CDH4: variants seen among roughly 807,000 people sequenced by gnomAD.
The protein encoded by CDH4 is cadherin-4.
Under a neutral mutation model 86.0 loss-of-function variants are expected in CDH4, and 33 were observed. That is an observed-to-expected ratio of 0.38 (90% confidence interval 0.29 to 0.51). The LOEUF is 0.51. Among genes scored for constraint, CDH4 ranks in the 20% least tolerant of loss-of-function variants. The pLI is 0.86. For synonymous variants in CDH4, 555 were observed against 549.4 expected (o/e 1.01, Z -0.14); for missense variants, 1,114 against 1,307.4 (o/e 0.85, Z 2.28).
At chr20:61,651,571 C>T (rs1052273203) in intron 2 of CDH4, among the ~76,000 whole-genome samples, 1 of 152,172 alleles carries the variant, frequency 6.6e-6, no homozygotes. Context: ...ACACCTGCAC[C>T]GGGACTCTGG....
intron 2 of CDH4, among the ~76,000 whole-genome samples, chr20:61,689,136 CTAAG>C (rs2087623453): frequency 6.6e-6 from 1 of 152,244 alleles, no homozygotes; most frequent in African/African-American, 2.4e-5. Flanking sequence ...GGTGACAAGT[CTAAG>C]TAACGCAGTT....
intron 2 of CDH4, among the ~76,000 whole-genome samples, chr20:61,560,561 A>G: frequency 6.6e-6 from 1 of 152,206 alleles, no homozygotes; most frequent in Non-Finnish European, 1.5e-5. Context: ...AAGGTTCCCT[A>G]GCGGGTTACT....
At chr20:61,855,162 C>A (rs1165407754) in intron 6 of CDH4, among the ~76,000 whole-genome samples, 85 of 119,212 alleles carry the variant, frequency 7.1e-4, no homozygotes, top group African/African-American at 2.7e-3. Context: ...ACCCCCAGGG[C>A]TGCAGTGTGA....
At chr20:61,545,426 G>GT (rs1335862526) in intron 2 of CDH4, among the ~76,000 whole-genome samples, 3 of 152,222 alleles carry the variant, frequency 2.0e-5, no homozygotes, top group African/African-American at 7.2e-5. Context: ...CGATCAGTCT[G>GT]TCACGGGAAG....
At position 61,252,568 on chromosome 20, in the gene CDH4, C is replaced by G; in HGVS notation, c.55C>G (p.Arg19Gly). The G allele has an allele frequency of 1.7e-6, 2 of 1,204,180 alleles. No homozygotes were observed. The highest frequency in any genetic ancestry group is 2.1e-6 in the Non-Finnish European group (2 of 969,972). The allele number at this position is 1,204,180 out of a possible 1,614,324, so 74.6% of individuals were successfully genotyped here. A position where few individuals can be genotyped will look rare whatever the true frequency, so the allele number is the denominator to read the frequency against. Residue 19 changes from arginine (R) to glycine (G), a missense_variant and splice_region_variant, in exon 1 of 16, where the codon CGG (arginine) becomes GGG (glycine). Physicochemically the swap from Arg to Gly is moderately radical, Grantham distance 125. Transcript: ENST00000614565. This position sits in a 1 kb window ranked among gnomAD's most constrained non-coding sequence, Gnocchi z 4.4. ...LLLLSLSGAL[R>G]AHNEDLTTRE... ...GCTGCTCTCGCTCTCCGGCGCGCTC[C>G]GGGTAAGTTGCCGCCTCCCGCCCCC...
chr20:61,417,711 G>A lies in CDH4; in HGVS notation c.169+162774G>A, dbSNP rs183049897. ...TCCTGACTTGTATTACTCATTTTACGGCTGGAGACAGGTGCACATGGCGGG... is the reference window on the plus strand; with the variant it reads ...TCCTGACTTGTATTACTCATTTTACAGCTGGAGACAGGTGCACATGGCGGG... On this transcript the variant is annotated intron_variant, in intron 2 of 15. Coordinates refer to ENST00000614565, the MANE Select transcript of CDH4 (RefSeq NM_001794.5). This position sits in a 1 kb window ranked among gnomAD's most constrained non-coding sequence, Gnocchi z 4.0. 4.5e-4 allele frequency among the ~76,000 whole-genome samples: 69 copies of A among 152,252 alleles called. No homozygotes were observed. Among genetic ancestry groups the A allele is most frequent in the Non-Finnish European group, 7.8e-4 (53 of 68,022 alleles).
chr20:61,607,304 A>T (rs2086653172), intron 2 of CDH4, among the ~76,000 whole-genome samples: 1 of 152,248 alleles, frequency 6.6e-6, no homozygotes, highest in Non-Finnish European at 1.5e-5. Context: ...TCATAAAAGC[A>T]CTAGGTAATA....
At chr20:61,464,850 AC>A (rs1326518623) in intron 2 of CDH4, among the ~76,000 whole-genome samples, 1 of 152,226 alleles carries the variant, frequency 6.6e-6, no homozygotes, top group Non-Finnish European at 1.5e-5. Flanking sequence ...CTGTTACCAA[AC>A]TAATTTTCAC....
chr20:61,367,838 C>T (rs2084819145), intron 2 of CDH4, among the ~76,000 whole-genome samples: 1 of 146,508 alleles, frequency 6.8e-6, no homozygotes, highest in Non-Finnish European at 1.5e-5. Context: ...GTATATTGTA[C>T]ATTGCCTGGA....
intron 2 of CDH4, among the ~76,000 whole-genome samples, chr20:61,534,031 C>T (rs1309301655): frequency 6.6e-6 from 1 of 152,190 alleles, no homozygotes; most frequent in African/African-American, 2.4e-5. Flanking sequence ...AGATTTGTTC[C>T]ATTAACATAT....
chr20:61,619,709 A>G (rs1390626485), intron 2 of CDH4, among the ~76,000 whole-genome samples: 2 of 152,192 alleles, frequency 1.3e-5, no homozygotes, highest in African/African-American at 4.8e-5. Context: ...TGTGATCTGT[A>G]TCCTCACGTG....
intron 2 of CDH4, among the ~76,000 whole-genome samples, chr20:61,583,113 T>G: frequency 1.6e-5 from 2 of 123,722 alleles, no homozygotes; most frequent in Non-Finnish European, 3.4e-5. Context: ...GAGGGTACCG[T>G]GCAACAGAAG....
chr20:61,565,215 C>T (rs115882318), intron 2 of CDH4, among the ~76,000 whole-genome samples: 17,207 of 40,828 alleles, frequency 0.42, 4,628 homozygotes, highest in Middle Eastern at 0.56. Context: ...GCGGTGCTCT[C>T]GGTGGTAGGT....
chr20:61,840,426 G>A (rs1056938054), intron 4 of CDH4, among the ~76,000 whole-genome samples: 3 of 152,194 alleles, frequency 2.0e-5, no homozygotes, highest in Non-Finnish European at 2.9e-5. Context: ...TCCTCCTGGG[G>A]GAGACTCTGC....
intron 2 of CDH4, among the ~76,000 whole-genome samples, chr20:61,692,883 C>T (rs898491786): frequency 2.0e-5 from 3 of 151,748 alleles, no homozygotes; most frequent in East Asian, 1.9e-4. Flanking sequence ...CAGAAATGCC[C>T]GTGTGGATAT....
At chr20:61,764,259 A>G (rs2088672348) in intron 3 of CDH4, among the ~76,000 whole-genome samples, 1 of 152,198 alleles carries the variant, frequency 6.6e-6, no homozygotes, top group South Asian at 2.1e-4. Flanking sequence ...TGGTTTTCTC[A>G]ACATGCACCT....
chr20:61,470,683 G>A (rs1200418135), intron 2 of CDH4, among the ~76,000 whole-genome samples: 1 of 151,942 alleles, frequency 6.6e-6, no homozygotes, highest in Non-Finnish European at 1.5e-5. Context: ...TGTCATATAT[G>A]GCTTTTACTA....
At chr20:61,333,274 C>G (rs1008835268) in intron 2 of CDH4, among the ~76,000 whole-genome samples, 1 of 152,108 alleles carries the variant, frequency 6.6e-6, no homozygotes, top group African/African-American at 2.4e-5. Flanking sequence ...TACACACACA[C>G]ACACACACAC....
intron 2 of CDH4, among the ~76,000 whole-genome samples, chr20:61,335,229 TC>T (rs1305962843): frequency 6.6e-6 from 1 of 152,226 alleles, no homozygotes; most frequent in Non-Finnish European, 1.5e-5. Context: ...CCAGCAGTCG[TC>T]CCTGTGTTCA....
Sources: allele counts gnomAD v4.1 joint callset (sites outside exome capture counted in the v4.1 genomes callset), GRCh38; gene constraint gnomAD v4.1.1; non-coding constraint Gnocchi (gnomAD v3.1); transcripts MANE v1.5; gene names NCBI Gene and HGNC (gene_info 2026-07-23, HGNC 2026-07-21).